Variants in ATG10 observed in about 807,000 individuals in gnomAD.
The protein encoded by ATG10 is autophagy related 10.
Under a neutral mutation model 32.1 loss-of-function variants are expected in ATG10, and 30 were observed. That is an observed-to-expected ratio of 0.94 (90% CI 0.70 to 1.27). The LOEUF is 1.27. Among genes scored for constraint, ATG10 ranks in the 50% most tolerant of loss-of-function variants. ATG10 has a pLI of 0.00. For missense variants in ATG10, 233 were observed against 262.3 expected, an observed-to-expected ratio of 0.89 and a Z score of 0.77; for synonymous variants, 87 against 91.5, an observed-to-expected ratio of 0.95 and a Z score of 0.28.
intron 3 of ATG10, among the ~76,000 whole-genome samples, chr5:82,133,538 T>A: frequency 6.6e-6 from 1 of 152,140 alleles, no homozygotes; most frequent in South Asian, 2.1e-4. Flanking sequence ...GTTGTAGATG[T>A]GTGGTGTTAT....
intron 5 of ATG10, among the ~76,000 whole-genome samples, chr5:82,234,875 T>G (rs1746496249): frequency 6.6e-6 from 1 of 152,242 alleles, no homozygotes; most frequent in Non-Finnish European, 1.5e-5. Context: ...CTTTCCTGCA[T>G]TCTTTTTTGA....
At chr5:81,985,811 G>A (rs1358386096) in intron 1 of ATG10, among the ~76,000 whole-genome samples, 2 of 152,172 alleles carry the variant, frequency 1.3e-5, no homozygotes, top group African/African-American at 4.8e-5. Context: ...CGCCCAGGCT[G>A]TAGTGCAGTG....
intron 5 of ATG10, among the ~76,000 whole-genome samples, chr5:82,214,029 C>G (rs1331602324): frequency 6.6e-6 from 1 of 152,216 alleles, no homozygotes; most frequent in African/African-American, 2.4e-5. Context: ...TCATATGAGG[C>G]TCTGCCTCAC....
intron 2 of ATG10, chr5:82,010,126 C>T: frequency 6.5e-7 from 1 of 1,526,852 alleles, no homozygotes; most frequent in Non-Finnish European, 9.1e-7. Flanking sequence ...TCGGCGGCGT[C>T]ATCTGCAAAG....
chr5:82,103,928 TTTC>T (rs1765366426), intron 3 of ATG10, among the ~76,000 whole-genome samples: 1 of 152,298 alleles, frequency 6.6e-6, no homozygotes, highest in East Asian at 1.9e-4. Context: ...ATTTTTCCTC[TTTC>T]TTCTTAACCT....
intron 1 of ATG10, among the ~76,000 whole-genome samples, chr5:81,982,752 A>G (rs992454658): frequency 2.6e-5 from 4 of 152,062 alleles, no homozygotes; most frequent in Admixed American, 2.6e-4. Flanking sequence ...GAGATTAGGG[A>G]GTGGTGATGA....
intron 3 of ATG10, among the ~76,000 whole-genome samples, chr5:82,086,727 C>G (rs191404446): frequency 6.6e-6 from 1 of 152,246 alleles, no homozygotes; most frequent in East Asian, 1.9e-4. Flanking sequence ...GGAAACCACA[C>G]AAGTGCATGT....
chr5:82,008,481 T>C (rs1286751160), intron 2 of ATG10, among the ~76,000 whole-genome samples: 1 of 152,234 alleles, frequency 6.6e-6, no homozygotes, highest in Non-Finnish European at 1.5e-5. Context: ...GAACAGGTTG[T>C]ATCACTTGTG....
chr5:82,125,355 T>G (rs903069775), intron 3 of ATG10, among the ~76,000 whole-genome samples: 3 of 152,194 alleles, frequency 2.0e-5, no homozygotes, highest in African/African-American at 7.2e-5. Context: ...TCATAAAGTC[T>G]TTGCCCATGC....
chr5:82,121,941 G>GTTTTTTTTGTTTTTTTTTTT (rs1766055516), intron 3 of ATG10, among the ~76,000 whole-genome samples: 1 of 121,018 alleles, frequency 8.3e-6, no homozygotes, highest in Non-Finnish European at 1.7e-5. Context: ...TTGGCCTGAA[G>GTTTTTTTTGTTTTTTTTTTT]TTTTTTTTTT....
intron 4 of ATG10, among the ~76,000 whole-genome samples, chr5:82,174,674 T>C (rs1743940514): frequency 6.6e-6 from 1 of 152,204 alleles, no homozygotes; most frequent in African/African-American, 2.4e-5. Flanking sequence ...TACAGCATTG[T>C]TGGAATAAAT....
chr5:82,022,724 A>G (rs532994555), intron 2 of ATG10, among the ~76,000 whole-genome samples: 12 of 151,368 alleles, frequency 7.9e-5, no homozygotes, highest in Admixed American at 6.6e-4. Context: ...TAACCCCACA[A>G]TATCTCTGTG....
chr5:81,980,300 C>T (rs1055214154), intron 1 of ATG10, among the ~76,000 whole-genome samples: 6 of 152,178 alleles, frequency 3.9e-5, no homozygotes, highest in Non-Finnish European at 5.9e-5. Context: ...CAGGAGCAAG[C>T]TTTCCCTCTT....
At chr5:82,016,322 C>A (rs916533991) in intron 2 of ATG10, among the ~76,000 whole-genome samples, 1 of 152,140 alleles carries the variant, frequency 6.6e-6, no homozygotes, top group Non-Finnish European at 1.5e-5. Context: ...TATCCCAGCA[C>A]CATTTGTTGA....
chr5:82,220,619 ATCTC>A (rs199724495), intron 5 of ATG10, among the ~76,000 whole-genome samples: 12 of 138,832 alleles, frequency 8.6e-5, no homozygotes, highest in South Asian at 2.3e-4. Context: ...CATGTACTCC[ATCTC>A]TCTCTCTCTC....
chr5:82,213,095 C>T (rs75413254), intron 5 of ATG10, among the ~76,000 whole-genome samples: 2,104 of 152,278 alleles, frequency 0.014, 38 homozygotes, highest in African/African-American at 0.047. Context: ...GTCTTCCCAG[C>T]TTCTCAGGCC....
In ATG10 at chr5:82,255,181, C is replaced by CTTA. The variant is rs1747420857; in HGVS notation, c.*1121_*1123dup. On this transcript the variant is annotated 3_prime_UTR_variant, in exon 8 of 8. Coordinates refer to ENST00000282185, the MANE Select transcript of ATG10 (RefSeq NM_031482.5). ...TGAGCGAGTCTTCATGTCCCTGAGA[C>CTTA]TTATTTTCCTCATCTTTAATTTGAA... The CTTA allele has an allele frequency of 6.6e-6, 1 of 152,176 alleles. No homozygotes were observed. The highest frequency in any genetic ancestry group is 2.4e-5 in the African/African-American group (1 of 41,454). The allele number at this position is 152,176 out of a possible 1,614,324, so 9.4% of individuals were successfully genotyped here. A position where few individuals can be genotyped will look rare whatever the true frequency, so the allele number is the denominator to read the frequency against.
At chr5:82,174,190 G>A (rs557414989) in intron 4 of ATG10, among the ~76,000 whole-genome samples, 2 of 152,274 alleles carry the variant, frequency 1.3e-5, no homozygotes, top group East Asian at 1.9e-4. Context: ...TAACTTTTGT[G>A]TGTCTTTGAT....
intron 3 of ATG10, among the ~76,000 whole-genome samples, chr5:82,135,987 C>CT (rs1489386745): frequency 5.9e-5 from 9 of 151,946 alleles, no homozygotes; most frequent in African/African-American, 7.3e-5. Flanking sequence ...CCTTCTTTGT[C>CT]CTTTTGATCT....
Sources: allele counts gnomAD v4.1 joint callset (sites outside exome capture counted in the v4.1 genomes callset), GRCh38; gene constraint gnomAD v4.1.1; transcripts MANE v1.5; gene names NCBI Gene and HGNC (gene_info 2026-07-23, HGNC 2026-07-21).